The following HDX variants were observed in gnomAD, a reference collection of about 807,000 sequenced individuals.
HDX encodes the protein highly divergent homeobox.
HDX carries 19 observed loss-of-function variants against 45.2 expected under a neutral mutation model. That is an observed-to-expected ratio of 0.42 (90% CI 0.29 to 0.62). The LOEUF (loss-of-function observed/expected upper bound fraction) is 0.62, where lower values mean the gene tolerates loss of function less well. Among genes scored for constraint, HDX ranks in the 20% least tolerant of loss-of-function variants. The pLI is 0.20. For synonymous variants in HDX, 188 were observed against 172.8 expected, an observed-to-expected ratio of 1.09 and a Z score of -0.69; for missense variants, 532 against 493.9, an observed-to-expected ratio of 1.08 and a Z score of -0.73.
intron 5 of HDX, among the ~76,000 whole-genome samples, chrX:84,428,102 T>C (rs1200338391): frequency 9.0e-6 from 1 of 110,762 alleles, no homozygotes; most frequent in African/African-American, 3.3e-5. Flanking sequence ...GAAGTGTCTT[T>C]CAGTTTTTAG....
intron 5 of HDX, among the ~76,000 whole-genome samples, chrX:84,420,014 A>G (rs781099463): frequency 8.9e-6 from 1 of 111,765 alleles, no homozygotes; most frequent in East Asian, 2.8e-4. Context: ...CAAGTCGTTT[A>G]AAATATCTGG....
intron 6 of HDX, among the ~76,000 whole-genome samples, chrX:84,347,210 A>G (rs1327255009): frequency 9.5e-6 from 1 of 105,298 alleles, no homozygotes; most frequent in Non-Finnish European, 2.0e-5. Context: ...TATTTTTTTC[A>G]CTATCTTCTT....
intron 4 of HDX, among the ~76,000 whole-genome samples, chrX:84,451,156 G>T (rs1370733009): frequency 2.7e-5 from 3 of 110,376 alleles, no homozygotes; most frequent in Non-Finnish European, 5.7e-5. Flanking sequence ...AAAATTAATA[G>T]AAATAAAGGA....
chrX:84,351,905 C>T (rs895332226), intron 6 of HDX, among the ~76,000 whole-genome samples: 19 of 112,099 alleles, frequency 1.7e-4, no homozygotes, highest in African/African-American at 4.9e-4. Flanking sequence ...ACGTTTCTTA[C>T]GCAATTTTCA....
At chrX:84,439,200 C>T (rs1157870400) in intron 5 of HDX, among the ~76,000 whole-genome samples, 2 of 111,136 alleles carry the variant, frequency 1.8e-5, no homozygotes, top group African/African-American at 6.5e-5. Flanking sequence ...TCTTGTATAC[C>T]TTCTTTTGAA....
At chrX:84,358,499 A>T (rs754096825) in intron 6 of HDX, among the ~76,000 whole-genome samples, 48 of 111,249 alleles carry the variant, frequency 4.3e-4, no homozygotes, top group Non-Finnish European at 4.5e-4. Context: ...CCCTCTTGCT[A>T]GACTCTGAGC....
chrX:84,354,441 A>C (rs1307798358), intron 6 of HDX, among the ~76,000 whole-genome samples: 1 of 111,225 alleles, frequency 9.0e-6, no homozygotes, highest in Non-Finnish European at 1.9e-5. Flanking sequence ...CATTCATTCC[A>C]CATATATTAC....
chrX:84,404,942 G>T (rs901602308), intron 5 of HDX, among the ~76,000 whole-genome samples: 17 of 110,696 alleles, frequency 1.5e-4, no homozygotes, highest in African/African-American at 5.6e-4. Context: ...TTTGGAAAAA[G>T]GAAATCTAGA....
chrX:84,454,669 G>A (rs1172562946), intron 4 of HDX, among the ~76,000 whole-genome samples: 1 of 111,088 alleles, frequency 9.0e-6, no homozygotes. Context: ...TGAAGAAAAG[G>A]ACACAAGCCT....
chrX:84,442,692 T>A (rs1489870688), intron 4 of HDX, among the ~76,000 whole-genome samples: 1 of 110,972 alleles, frequency 9.0e-6, no homozygotes. Context: ...GGGAAATACA[T>A]CCGCTTAAAT....
In HDX at chrX:84,320,594, G is replaced by T. The variant is rs2036577613; in HGVS notation, c.*1295C>A. 1 of 111,067 alleles carries T rather than the reference G, an allele frequency of 9.0e-6. No homozygotes were observed. Among genetic ancestry groups the T allele is most frequent in the Non-Finnish European group, 1.9e-5 (1 of 52,459 alleles). 9.2% of individuals were successfully genotyped at this position (111,067 alleles called of 1,213,427 possible). On this transcript the variant is annotated 3_prime_UTR_variant, in exon 11 of 11. Coordinates refer to ENST00000373177, the MANE Select transcript of HDX (RefSeq NM_001177479.2). Reference sequence around the variant, plus strand: ...ACTTGATGGCTGAAACAGCCATCCAGCTACTTCATTAATCTTTTAGGTATA... The same window carrying T: ...ACTTGATGGCTGAAACAGCCATCCATCTACTTCATTAATCTTTTAGGTATA...
chrX:84,417,315 T>C (rs1200093423), intron 5 of HDX, among the ~76,000 whole-genome samples: 1 of 111,919 alleles, frequency 8.9e-6, no homozygotes, highest in Middle Eastern at 4.6e-3. Context: ...AGTAACAAAA[T>C]ACCTTTATGA....
chrX:84,427,774 G>A (rs933158288), intron 5 of HDX, among the ~76,000 whole-genome samples: 6 of 111,255 alleles, frequency 5.4e-5, no homozygotes, highest in African/African-American at 1.6e-4. Context: ...TATGGACAAG[G>A]CTTTGTATGG....
intron 4 of HDX, among the ~76,000 whole-genome samples, chrX:84,446,636 G>A (rs1406536654): frequency 9.0e-6 from 1 of 111,217 alleles, no homozygotes; most frequent in East Asian, 2.8e-4. Context: ...GCAAGATGAA[G>A]GCCTAGGTAG....
At chrX:84,389,867 CAT>C (rs1299359456) in intron 5 of HDX, among the ~76,000 whole-genome samples, 2 of 110,938 alleles carry the variant, frequency 1.8e-5, no homozygotes, top group African/African-American at 6.6e-5. Context: ...GACCAGCTCA[CAT>C]GTCTGTCGGG....
chrX:84,367,345 G>A (rs2037783591), intron 5 of HDX, among the ~76,000 whole-genome samples: 1 of 112,148 alleles, frequency 8.9e-6, no homozygotes, highest in South Asian at 3.7e-4. Flanking sequence ...AAAAATTCAG[G>A]AAACAGCAGA....
chrX:84,321,846 T>C lies in HDX; in HGVS notation c.*43A>G. 1 of 1,110,884 alleles carries C rather than the reference T, an allele frequency of 9.0e-7. No homozygotes were observed. Among genetic ancestry groups the C allele is most frequent in the Non-Finnish European group, 1.2e-6 (1 of 830,418 alleles). The allele number at this position is 1,110,884 out of a possible 1,213,427, so 91.5% of individuals were successfully genotyped here. A position where few individuals can be genotyped will look rare whatever the true frequency, so the allele number is the denominator to read the frequency against. On this transcript the variant is annotated 3_prime_UTR_variant, in exon 11 of 11. Transcript: ENST00000373177. ...CAGTTATCTTGAAATGCACACCTGT[T>C]ACGAAGCCAAAAGACTGTATCATAT...
rs767940563 is a variant in HDX, at chrX:84,368,401, C to CT, written c.1306-6790dup. ...TTACAACTTTAAATTGTGTATGTGA[C>CT]TTTTACAAAATTTTATGCTCCATAT... On this transcript the variant is annotated intron_variant, in intron 5 of 10. Transcript: ENST00000373177. Among the ~76,000 whole-genome samples, 133 of 111,335 alleles carry CT rather than the reference C, an allele frequency of 1.2e-3. 1 individual carries two copies. The highest frequency in any genetic ancestry group is 2.4e-3 in the Admixed American group (25 of 10,415).
At chrX:84,387,712 T>C (rs2038351760) in intron 5 of HDX, among the ~76,000 whole-genome samples, 1 of 111,953 alleles carries the variant, frequency 8.9e-6, no homozygotes. Flanking sequence ...GGTGTGCTGT[T>C]ACATGTGAGA....
Sources: gnomAD v4.1 joint callset for allele counts (sites outside exome capture counted in the v4.1 genomes callset) on GRCh38, gnomAD v4.1.1 for gene constraint, MANE v1.5 for transcripts, NCBI Gene and HGNC (gene_info 2026-07-23, HGNC 2026-07-21) for gene names.